Variants in RAB2A observed in about 807,000 individuals in gnomAD.
RAB2A encodes the protein ras-related protein Rab-2A.
In RAB2A, 7 loss-of-function variants were observed where a neutral mutation model predicts 32.5. The ratio of observed to expected loss-of-function variants is 0.22; its 90% confidence interval spans 0.12 to 0.40. The LOEUF (loss-of-function observed/expected upper bound fraction) is 0.40. Ranked by LOEUF, RAB2A falls within the 10% of genes least tolerant of loss-of-function variation. RAB2A has a pLI of 1.00. For synonymous variants in RAB2A, 79 were observed against 85.2 expected (o/e 0.93, Z 0.40); for missense variants, 108 against 260.7 (o/e 0.41, Z 4.03).
intron 2 of RAB2A, among the ~76,000 whole-genome samples, chr8:60,568,719 A>G (rs1270915469): frequency 6.6e-6 from 1 of 152,228 alleles, no homozygotes; most frequent in African/African-American, 2.4e-5. Flanking sequence ...GGAAGTGAAT[A>G]ACATATCTGA....
At position 60,545,352 on chromosome 8, in the gene RAB2A, T is replaced by C. The variant is rs572169277; in HGVS notation, c.47-13500T>C. Among the ~76,000 whole-genome samples the C allele has an allele frequency of 4.6e-5, 7 of 152,288 alleles. No homozygotes were observed. The East Asian group carries it at 1.3e-3, about 29-fold the overall frequency. ...TAAGGTTTCACACTGTCACCCAGGC[T>C]GTAGTGCAGTGGGACGATAACATCT... On this transcript the variant is annotated intron_variant, in intron 1 of 7. Coordinates refer to ENST00000262646, the MANE Select transcript of RAB2A (RefSeq NM_002865.3).
intron 1 of RAB2A, among the ~76,000 whole-genome samples, chr8:60,547,781 G>T (rs1807763946): frequency 7.8e-6 from 1 of 128,824 alleles, no homozygotes; most frequent in Non-Finnish European, 1.7e-5. Context: ...GGGGCGGCCG[G>T]GCAGAGGCGC....
At chr8:60,602,165 A>G (rs879606030) in intron 6 of RAB2A, among the ~76,000 whole-genome samples, 1 of 152,202 alleles carries the variant, frequency 6.6e-6, no homozygotes, top group South Asian at 2.1e-4. Context: ...GGCTCAAGCC[A>G]CTGTGCCTGG....
Position 60,534,348 on chromosome 8 carries a change from A to G in RAB2A, c.46+17095A>G, listed in dbSNP as rs1563460917. ...GTGGAATGTGCCTGTAGTCCTAGCT[A>G]CTAGGAAGGCTGAGGTAGGAGGATT... On this transcript the variant is annotated intron_variant, in intron 1 of 7. Coordinates refer to ENST00000262646, the MANE Select transcript of RAB2A (RefSeq NM_002865.3). 3.3e-5 allele frequency among the ~76,000 whole-genome samples: 5 copies of G among 152,134 alleles called. No individual in the cohort carries two copies. The South Asian group carries it at 8.3e-4, about 25-fold the overall frequency.
chr8:60,527,730 C>A (rs1487582032), intron 1 of RAB2A, among the ~76,000 whole-genome samples: 2 of 152,150 alleles, frequency 1.3e-5, no homozygotes, highest in African/African-American at 2.4e-5. Context: ...ATCATAGTAT[C>A]CATTATTTTT....
intron 6 of RAB2A, among the ~76,000 whole-genome samples, chr8:60,616,977 C>T (rs1348431931): frequency 2.0e-5 from 3 of 152,164 alleles, no homozygotes; most frequent in African/African-American, 4.8e-5. Context: ...TGATTTGTTC[C>T]TCTCCATGAA....
At chr8:60,585,273 G>A (rs1803828758) in intron 5 of RAB2A, among the ~76,000 whole-genome samples, 1 of 145,328 alleles carries the variant, frequency 6.9e-6, no homozygotes, top group Non-Finnish European at 1.5e-5. Context: ...AAAATGCTAG[G>A]CACCATTCTT....
intron 2 of RAB2A, among the ~76,000 whole-genome samples, chr8:60,571,091 C>T (rs1723266232): frequency 6.6e-6 from 1 of 152,166 alleles, no homozygotes; most frequent in Non-Finnish European, 1.5e-5. Context: ...AAAATTATCT[C>T]CTATTTTTCT....
chr8:60,576,096 A>G (rs973102159), intron 3 of RAB2A: 2 of 389,010 alleles, frequency 5.1e-6, no homozygotes, highest in Admixed American at 5.7e-5. Context: ...AAGGCCATCA[A>G]TCAGTTTCAC....
chr8:60,531,685 C>T (rs189185014), intron 1 of RAB2A, among the ~76,000 whole-genome samples: 1 of 152,126 alleles, frequency 6.6e-6, no homozygotes, highest in East Asian at 1.9e-4. Flanking sequence ...AGTTCTTTTC[C>T]ATCTCAGATG....
chr8:60,534,064 C>T (rs1807521664), intron 1 of RAB2A, among the ~76,000 whole-genome samples: 1 of 152,164 alleles, frequency 6.6e-6, no homozygotes, highest in African/African-American at 2.4e-5. Flanking sequence ...TCCCACCCTA[C>T]AGAGAAGACC....
chr8:60,602,976 C>G (rs1804161130), intron 6 of RAB2A, among the ~76,000 whole-genome samples: 1 of 152,166 alleles, frequency 6.6e-6, no homozygotes, highest in South Asian at 2.1e-4. Context: ...CTGGAGGACT[C>G]TCTTCTATGA....
At chr8:60,541,178 T>C (rs1174125952) in intron 1 of RAB2A, among the ~76,000 whole-genome samples, 1 of 152,056 alleles carries the variant, frequency 6.6e-6, no homozygotes, top group Admixed American at 6.6e-5. Context: ...CATGAAAAAA[T>C]TAGACAAATT....
At chr8:60,619,027 T>C (rs1279550842) in intron 7 of RAB2A, 1 of 152,264 alleles carries the variant, frequency 6.6e-6, no homozygotes, top group Non-Finnish European at 1.5e-5. Context: ...TAAATGCATG[T>C]ACTATGTACT....
intron 2 of RAB2A, among the ~76,000 whole-genome samples, chr8:60,563,852 A>G (rs977881709): frequency 6.6e-6 from 1 of 152,088 alleles, no homozygotes; most frequent in Admixed American, 6.6e-5. Context: ...TTCAACTTTA[A>G]TAGCTGTGCC....
At chr8:60,571,893 T>C (rs1465922618) in intron 2 of RAB2A, among the ~76,000 whole-genome samples, 153 bp from the exon 3 acceptor site, 3 of 152,216 alleles carry the variant, frequency 2.0e-5, no homozygotes, top group African/African-American at 7.2e-5. Flanking sequence ...CCTTAGCTTA[T>C]GTATTTTCTA....
intron 1 of RAB2A, among the ~76,000 whole-genome samples, chr8:60,543,375 TTCATTCACTTAAC>T: frequency 9.4e-6 from 1 of 106,350 alleles, no homozygotes; most frequent in African/African-American, 4.3e-5. Context: ...TATCCCTGTC[TTCATTCACTTAAC>T]TGTACTCTCT....
rs888741723 is a variant in RAB2A, at chr8:60,615,436, TTA to T, written c.475-3134_475-3133del. On this transcript the variant is annotated intron_variant, in intron 6 of 7. Coordinates refer to ENST00000262646, the MANE Select transcript of RAB2A (RefSeq NM_002865.3). Reference sequence around the variant, plus strand: ...AATACTTAAAATGTATTTTTGTACATTATATATATATGGAATGCAGTGGTCTA... The same window carrying T: ...AATACTTAAAATGTATTTTTGTACATTATATATATGGAATGCAGTGGTCTA... Among the ~76,000 whole-genome samples the T allele has an allele frequency of 2.6e-5, 4 of 152,118 alleles. No individual in the cohort carries two copies. The South Asian group carries it at 6.2e-4, about 24-fold the overall frequency.
intron 2 of RAB2A, among the ~76,000 whole-genome samples, chr8:60,561,068 T>C (rs1452205523): frequency 6.6e-6 from 1 of 152,248 alleles, no homozygotes; most frequent in East Asian, 1.9e-4. Flanking sequence ...AGCCCCTGCC[T>C]GGCAGGCCCA....
Sources: gnomAD v4.1 joint callset for allele counts (sites outside exome capture counted in the v4.1 genomes callset) on GRCh38, gnomAD v4.1.1 for gene constraint, MANE v1.5 for transcripts, NCBI Gene and HGNC (gene_info 2026-07-23, HGNC 2026-07-21) for gene names.